PTPRD: variants seen among roughly 807,000 people sequenced by gnomAD.
The protein encoded by PTPRD is receptor-type tyrosine-protein phosphatase delta.
A neutral mutation model predicts 214.5 loss-of-function variants in PTPRD; 34 were observed. The ratio of observed to expected loss-of-function variants is 0.16; its 90% confidence interval spans 0.12 to 0.21. The LOEUF (loss-of-function observed/expected upper bound fraction) is 0.21, where lower values mean the gene tolerates loss of function less well. PTPRD is among the 10% of genes least tolerant of loss of function. The pLI is 1.00. For synonymous variants in PTPRD, 1,128 were observed against 845.7 expected (o/e 1.33, Z -5.79); for missense variants, 2,545 against 2,398.7 (o/e 1.06, Z -1.27).
At chr9:9,091,455 A>G (rs2099775746) in intron 10 of PTPRD, among the ~76,000 whole-genome samples, 1 of 152,184 alleles carries the variant, frequency 6.6e-6, no homozygotes, top group Non-Finnish European at 1.5e-5. Flanking sequence ...ATTGTTTCCC[A>G]AGACTTCAGT....
chr9:8,520,234 T>C (rs1401067570), intron 20 of PTPRD, among the ~76,000 whole-genome samples: 1 of 152,202 alleles, frequency 6.6e-6, no homozygotes, highest in African/African-American at 2.4e-5. Flanking sequence ...GATAAATACA[T>C]GTGTGCTTAT....
chr9:9,474,451 T>A (rs2094874143), intron 8 of PTPRD, among the ~76,000 whole-genome samples: 1 of 152,128 alleles, frequency 6.6e-6, no homozygotes, highest in Non-Finnish European at 1.5e-5. Context: ...ATATATATTT[T>A]AGAATTTTTA....
chr9:10,170,141 C>G (rs564440191), intron 3 of PTPRD, among the ~76,000 whole-genome samples: 6 of 152,106 alleles, frequency 3.9e-5, no homozygotes, highest in Admixed American at 3.9e-4. Context: ...ATGCATTTAT[C>G]ACATGCAGGC....
chr9:8,789,850 A>G (rs2096150385), intron 11 of PTPRD, among the ~76,000 whole-genome samples: 1 of 152,198 alleles, frequency 6.6e-6, no homozygotes, highest in African/African-American at 2.4e-5. Context: ...ACTATAAAAC[A>G]TTTAGAAAAG....
At chr9:10,509,476 T>TCTATCTAC (rs2133691603) in intron 2 of PTPRD, among the ~76,000 whole-genome samples, 1 of 89,606 alleles carries the variant, frequency 1.1e-5, no homozygotes, top group South Asian at 3.9e-4. Flanking sequence ...GATCCATCTA[T>TCTATCTAC]CTATCTATCT....
At chr9:9,920,737 A>G (rs1021568745) in intron 5 of PTPRD, among the ~76,000 whole-genome samples, 2 of 152,114 alleles carry the variant, frequency 1.3e-5, no homozygotes, top group South Asian at 2.1e-4. Flanking sequence ...GTCGATAACT[A>G]AATTTATTCC....
At chr9:9,052,723 T>C (rs2099688654) in intron 10 of PTPRD, among the ~76,000 whole-genome samples, 1 of 152,248 alleles carries the variant, frequency 6.6e-6, no homozygotes, top group Non-Finnish European at 1.5e-5. Flanking sequence ...TCCACATAAG[T>C]ACAAAGCTGT....
chr9:9,251,308 C>T (rs2099975392), intron 9 of PTPRD, among the ~76,000 whole-genome samples: 1 of 152,024 alleles, frequency 6.6e-6, no homozygotes, highest in Non-Finnish European at 1.5e-5. Flanking sequence ...CCATTATGAA[C>T]AGGATAAAGT....
At chr9:8,664,048 T>G (rs957546018) in intron 12 of PTPRD, among the ~76,000 whole-genome samples, 1 of 152,156 alleles carries the variant, frequency 6.6e-6, no homozygotes, top group East Asian at 1.9e-4. Flanking sequence ...ATCTCTACCA[T>G]GTCGAGAGGA....
intron 2 of PTPRD, among the ~76,000 whole-genome samples, chr9:10,407,169 A>G (rs2098376958): frequency 1.3e-5 from 2 of 151,608 alleles, no homozygotes; most frequent in Admixed American, 1.3e-4. Context: ...TAATTATTGG[A>G]AAGAGTCTGA....
chr9:8,706,532 T>G (rs1028408361), intron 12 of PTPRD, among the ~76,000 whole-genome samples: 2 of 152,170 alleles, frequency 1.3e-5, no homozygotes, highest in Admixed American at 1.3e-4. Context: ...TACTGTGGCT[T>G]TGAAGTTTAA....
intron 5 of PTPRD, among the ~76,000 whole-genome samples, chr9:9,824,239 A>G (rs2051861517): frequency 6.6e-6 from 1 of 151,980 alleles, no homozygotes; most frequent in Non-Finnish European, 1.5e-5. Flanking sequence ...TTGGATTAGA[A>G]ATACTCAACC....
chr9:9,881,108 T>C (rs1260186144), intron 5 of PTPRD, among the ~76,000 whole-genome samples: 2 of 152,158 alleles, frequency 1.3e-5, no homozygotes, highest in Admixed American at 1.3e-4. Context: ...CCTTGGGCAG[T>C]GAAGTGAAAC....
intron 5 of PTPRD, among the ~76,000 whole-genome samples, chr9:9,922,814 CT>C (rs1380200088): frequency 6.6e-6 from 1 of 151,852 alleles, no homozygotes; most frequent in Non-Finnish European, 1.5e-5. Flanking sequence ...GCAAGAAAAG[CT>C]GGAGAGGTTT....
At chr9:9,299,648 A>C (rs895660028) in intron 9 of PTPRD, among the ~76,000 whole-genome samples, 13 of 151,780 alleles carry the variant, frequency 8.6e-5, no homozygotes, top group African/African-American at 2.9e-4. Context: ...ATGATTATAA[A>C]ATGATAACAT....
At chr9:9,197,842 T>G (rs2099939531) in intron 9 of PTPRD, among the ~76,000 whole-genome samples, 1 of 152,240 alleles carries the variant, frequency 6.6e-6, no homozygotes, top group Non-Finnish European at 1.5e-5. Flanking sequence ...GTATTTCTAC[T>G]TTTTATCTTT....
chr9:8,517,825 T>C, intron 21 of PTPRD, 23 bp downstream of exon 21: 1 of 1,595,976 alleles, frequency 6.3e-7, no homozygotes. Context: ...TCCTGCCCTA[T>C]TTCCCTCCTC....
intron 5 of PTPRD, among the ~76,000 whole-genome samples, chr9:9,856,870 C>G (rs1300590016): frequency 1.3e-5 from 2 of 151,980 alleles, no homozygotes; most frequent in East Asian, 3.9e-4. Context: ...AAGGAATGTA[C>G]AAGGATAAAA....
chr9:9,917,402 C>T (rs563037612), intron 5 of PTPRD, among the ~76,000 whole-genome samples: 2 of 139,616 alleles, frequency 1.4e-5, no homozygotes, highest in Admixed American at 7.3e-5. Context: ...TTATTAGAGA[C>T]CACCATGAAC....
Sources: allele counts gnomAD v4.1 joint callset (sites outside exome capture counted in the v4.1 genomes callset), GRCh38; gene constraint gnomAD v4.1.1; transcripts MANE v1.5; gene names NCBI Gene and HGNC (gene_info 2026-07-23, HGNC 2026-07-21).